The following ASAP3 variants were observed in gnomAD, a reference collection of about 807,000 sequenced individuals.
ASAP3 encodes the protein ArfGAP with SH3 domain, ankyrin repeat and PH domain 3.
A neutral mutation model predicts 118.2 loss-of-function variants in ASAP3; 85 were observed. The observed-to-expected ratio is 0.72, with a 90% CI of 0.60 to 0.86. The LOEUF is 0.86. Among genes scored for constraint, ASAP3 ranks in the 40% least tolerant of loss-of-function variants. The probability of loss-of-function intolerance (pLI) is 0.00; values close to 1 mark genes in which losing one functional copy is unlikely to be tolerated. For synonymous variants in ASAP3, 432 were observed against 477.4 expected (o/e 0.90, Z 1.24); for missense variants, 1,026 against 1,175.0 (o/e 0.87, Z 1.85).
At chr1:23,447,083 G>T (rs372279406) in intron 5 of ASAP3, among the ~76,000 whole-genome samples, 1 of 152,224 alleles carries the variant, frequency 6.6e-6, no homozygotes, top group African/African-American at 2.4e-5. Flanking sequence ...GACAGGAGGC[G>T]GAACTCAGGC....
intron 3 of ASAP3, 45 bp downstream of exon 3, chr1:23,455,836 C>G (rs749821636): frequency 1.2e-6 from 2 of 1,609,118 alleles, no homozygotes; most frequent in South Asian, 2.2e-5. Flanking sequence ...CTTAAGACCA[C>G]TAGATTTACC....
intron 1 of ASAP3, among the ~76,000 whole-genome samples, chr1:23,469,756 TC>T (rs1641900862): frequency 6.6e-6 from 1 of 152,152 alleles, no homozygotes; most frequent in Admixed American, 6.5e-5. Flanking sequence ...GTTATTATCC[TC>T]CCCATCTTAC....
At chr1:23,442,122 T>A in intron 7 of ASAP3, 64 bp downstream of exon 7, 1 of 1,504,372 alleles carries the variant, frequency 6.6e-7, no homozygotes, top group Non-Finnish European at 9.1e-7. Flanking sequence ...CTATCACACC[T>A]TGAGAGGGGC....
In ASAP3 at chr1:23,437,622, G is replaced by A. The variant is rs1640726089; in HGVS notation, c.1103-150C>T. 1.0e-5 allele frequency: 10 copies of A among 973,330 alleles called. No homozygotes were observed. The highest frequency in any genetic ancestry group is 1.5e-5 in the Non-Finnish European group (10 of 662,416). 60.3% of individuals were successfully genotyped at this position (973,330 alleles called of 1,614,324 possible). On this transcript the variant is annotated intron_variant, in intron 12 of 24. Coordinates refer to ENST00000336689, the MANE Select transcript of ASAP3 (RefSeq NM_017707.4). This position sits in a 1 kb window ranked among gnomAD's most constrained non-coding sequence, Gnocchi z 6.1. The stretch of plus-strand genomic sequence containing the variant: ...GCTAGGAGTGGGAAGGGAGTGGAAT[G>A]ACAGTGGCCAGCACCAGGGGCAGTT...
intron 4 of ASAP3, among the ~76,000 whole-genome samples, chr1:23,452,446 C>G (rs1641246645): frequency 6.6e-6 from 1 of 152,144 alleles, no homozygotes. Context: ...ATGAGTGTAC[C>G]CACAAAGCCT....
chr1:23,463,363 AG>A (rs1641658022), intron 1 of ASAP3, among the ~76,000 whole-genome samples: 1 of 75,564 alleles, frequency 1.3e-5, no homozygotes, highest in Admixed American at 1.5e-4. Flanking sequence ...AAAGAAATGC[AG>A]GTTTTTTTTT....
At chr1:23,474,433 C>T (rs1369430173) in intron 1 of ASAP3, among the ~76,000 whole-genome samples, 1 of 152,124 alleles carries the variant, frequency 6.6e-6, no homozygotes, top group Non-Finnish European at 1.5e-5. Context: ...TTATTTCCTT[C>T]CTTCCCCACT....
intron 1 of ASAP3, among the ~76,000 whole-genome samples, chr1:23,478,152 A>G (rs1354724892): frequency 6.6e-6 from 1 of 152,220 alleles, no homozygotes; most frequent in Non-Finnish European, 1.5e-5. Flanking sequence ...CCCCCTTAGC[A>G]TTCTAATCTC....
intron 1 of ASAP3, among the ~76,000 whole-genome samples, chr1:23,457,499 G>A (rs375049185): frequency 1.2e-4 from 18 of 152,156 alleles, no homozygotes; most frequent in East Asian, 3.9e-4. Flanking sequence ...CTACTCGGGG[G>A]CTATGTGACC....
Position 23,484,172 on chromosome 1 carries a change from G to A in ASAP3, c.-39C>T, listed in dbSNP as rs758166394. 1.0e-5 allele frequency: 13 copies of A among 1,244,848 alleles called. No individual in the cohort carries two copies. The highest frequency in any genetic ancestry group is 1.3e-5 in the Non-Finnish European group (13 of 994,782). 77.1% of individuals were successfully genotyped at this position (1,244,848 alleles called of 1,614,324 possible). A position where few individuals can be genotyped will look rare whatever the true frequency, so the allele number is the denominator to read the frequency against. Reference sequence around the variant, plus strand: ...GTGGAGCTGCCGGAGCGGGGCGCGGGGGGCACTGAGCTGCTCCGCGCTGAG... The same window carrying A: ...GTGGAGCTGCCGGAGCGGGGCGCGGAGGGCACTGAGCTGCTCCGCGCTGAG... On this transcript the variant is annotated 5_prime_UTR_variant, in exon 1 of 25. Coordinates refer to ENST00000336689, the MANE Select transcript of ASAP3 (RefSeq NM_017707.4).
intron 5 of ASAP3, among the ~76,000 whole-genome samples, chr1:23,444,481 ACT>A (rs1640983822): frequency 6.6e-6 from 1 of 151,896 alleles, no homozygotes; most frequent in African/African-American, 2.4e-5. Flanking sequence ...ATTAATACAA[ACT>A]CTGCTGCTTG....
Position 23,434,232 on chromosome 1 carries a change from G to A in ASAP3, c.1951+22C>T, listed in dbSNP as rs183786896. ...GGGTAGTCAGGAATAGGAGTCTGACGGAGGAGGTATTCAAGCCCCACCTGT... is the reference window on the plus strand; with the variant it reads ...GGGTAGTCAGGAATAGGAGTCTGACAGAGGAGGTATTCAAGCCCCACCTGT... On this transcript the variant is annotated intron_variant, in intron 19 of 24. Transcript: ENST00000336689. 160 of 1,610,290 alleles carry A rather than the reference G, an allele frequency of 9.9e-5. 1 individual carries two copies. Among genetic ancestry groups the A allele is most frequent in the African/African-American group, 1.3e-5 (1 of 74,924 alleles).
At chr1:23,459,618 A>C (rs1351520672) in intron 1 of ASAP3, among the ~76,000 whole-genome samples, 2 of 152,234 alleles carry the variant, frequency 1.3e-5, no homozygotes, top group African/African-American at 4.8e-5. Flanking sequence ...ATGCAGAGAG[A>C]AAAGAACAGA....
chr1:23,448,624 G>GTAT (rs750881475), intron 5 of ASAP3, among the ~76,000 whole-genome samples: 19 of 151,318 alleles, frequency 1.3e-4, no homozygotes, highest in Non-Finnish European at 2.1e-4. Context: ...TATTATATAT[G>GTAT]TATTATTATT....
At position 23,434,636 on chromosome 1, in the gene ASAP3, C is replaced by A; in HGVS notation, c.1750-18G>T. 1 of 1,610,508 alleles carries A rather than the reference C, an allele frequency of 6.2e-7. No individual in the cohort carries two copies. The highest frequency in any genetic ancestry group is 8.5e-7 in the Non-Finnish European group (1 of 1,179,208). On this transcript the variant is annotated intron_variant, in intron 17 of 24. Transcript: ENST00000336689. ...TCAGGTGCCTGAAAACACATCCACA[C>A]CTCTGAGATTCCCCCCCCAGTGCAC...
chr1:23,433,051 G>C (rs1640495151), intron 22 of ASAP3, 26 bp downstream of exon 22: 2 of 1,612,392 alleles, frequency 1.2e-6, no homozygotes, highest in Non-Finnish European at 1.7e-6. Context: ...GGCATGGTGA[G>C]CATTTATCTG....
intron 5 of ASAP3, among the ~76,000 whole-genome samples, chr1:23,448,316 C>T (rs1280464940): frequency 6.6e-6 from 1 of 152,224 alleles, no homozygotes; most frequent in Non-Finnish European, 1.5e-5. Flanking sequence ...AGGGATTCCT[C>T]ACTACTTACC....
rs1481906513 is a variant in ASAP3, at chr1:23,441,170, G to C, written c.876C>G (p.Ile292Met). ...ACTGCTTGTTGCCTTGGTGCTGGTG[G>C]ATGCTATAGCCACATCCTGAGTTCT... ...SRKNSGCGYS[I>M]HQHQGNKQFG... The change falls in exon 10 of 25, where the codon ATC becomes ATG. Residue 292 changes from isoleucine (I) to methionine (M), a missense_variant. Transcript: ENST00000336689. The C allele has an allele frequency of 2.5e-6, 4 of 1,614,090 alleles. No homozygotes were observed. Among genetic ancestry groups the C allele is most frequent in the Admixed American group, 1.7e-5 (1 of 60,006 alleles).
intron 1 of ASAP3, among the ~76,000 whole-genome samples, chr1:23,482,006 C>T (rs1642321462): frequency 6.6e-6 from 1 of 152,156 alleles, no homozygotes; most frequent in Admixed American, 6.5e-5. Flanking sequence ...AAATATAACC[C>T]ACATCCACAG....
Sources: gnomAD v4.1 joint callset for allele counts (sites outside exome capture counted in the v4.1 genomes callset) on GRCh38, gnomAD v4.1.1 for gene constraint, Gnocchi (gnomAD v3.1) non-coding constraint, MANE v1.5 for transcripts, NCBI Gene and HGNC (gene_info 2026-07-23, HGNC 2026-07-21) for gene names.